Variants in PHACTR3 observed in about 807,000 individuals in gnomAD.
The protein encoded by PHACTR3 is phosphatase and actin regulator 3.
A neutral mutation model predicts 66.8 loss-of-function variants in PHACTR3; 16 were observed. The observed-to-expected ratio is 0.24, with a 90% CI of 0.16 to 0.36. PHACTR3 has a LOEUF of 0.36. Ranked by LOEUF, PHACTR3 falls within the 10% of genes least tolerant of loss-of-function variation. The pLI is 1.00. For missense variants in PHACTR3, 647 were observed against 719.9 expected (o/e 0.90, Z 1.16); for synonymous variants, 323 against 292.1 (o/e 1.11, Z -1.08).
At chr20:59,735,104 G>A (rs2038902874) in intron 1 of PHACTR3, among the ~76,000 whole-genome samples, 3 of 151,986 alleles carry the variant, frequency 2.0e-5, no homozygotes, top group African/African-American at 7.2e-5. Flanking sequence ...TGGTGTTACA[G>A]GTAAGGACTC....
intron 1 of PHACTR3, among the ~76,000 whole-genome samples, chr20:59,693,822 C>T (rs925298391): frequency 4.6e-5 from 7 of 152,130 alleles, no homozygotes; most frequent in Admixed American, 3.9e-4. Context: ...TCATCTTGGT[C>T]CTGTTCACAT....
chr20:59,613,986 A>G (rs771272884), intron 1 of PHACTR3, among the ~76,000 whole-genome samples: 4 of 152,252 alleles, frequency 2.6e-5, no homozygotes, highest in Non-Finnish European at 5.9e-5. Context: ...AGGAGCCATC[A>G]TACTTCCTTT....
intron 1 of PHACTR3, among the ~76,000 whole-genome samples, chr20:59,721,741 C>A (rs944104457): frequency 1.8e-4 from 28 of 152,100 alleles, no homozygotes; most frequent in African/African-American, 6.5e-4. Flanking sequence ...CTGGGGGCTT[C>A]CCATCCTGAG....
intron 8 of PHACTR3, among the ~76,000 whole-genome samples, chr20:59,825,866 G>T (rs1015771688): frequency 6.6e-6 from 1 of 152,172 alleles, no homozygotes; most frequent in Non-Finnish European, 1.5e-5. Flanking sequence ...GCCTTTGGGA[G>T]GTGATTAGGT....
At chr20:59,596,124 C>T (rs2033321352) in intron 1 of PHACTR3, among the ~76,000 whole-genome samples, 1 of 152,130 alleles carries the variant, frequency 6.6e-6, no homozygotes, top group Admixed American at 6.6e-5. Flanking sequence ...GTAGTGTTGT[C>T]TGGTTTTTAT....
In PHACTR3 at chr20:59,822,019, CG is replaced by C. The variant is rs1568856085; in HGVS notation, c.1329-14485del. On this transcript the variant is annotated intron_variant, in intron 8 of 12. Coordinates refer to ENST00000371015, the MANE Select transcript of PHACTR3 (RefSeq NM_080672.5). ...CCCAGCAATCCCACCCCTTCCCCAG[CG>C]ATCCCACCCCTTCCCCAGCGATCCC... Among the ~76,000 whole-genome samples, 14 of 131,700 alleles carry C rather than the reference CG, an allele frequency of 1.1e-4. 3 individuals carry two copies. The East Asian group carries it at 1.7e-3, about 16-fold the overall frequency. The allele number at this position is 131,700 out of a possible 152,430, so 86.4% of individuals were successfully genotyped here. A position where few individuals can be genotyped will look rare whatever the true frequency, so the allele number is the denominator to read the frequency against.
At chr20:59,757,812 T>C (rs944970717) in intron 4 of PHACTR3, among the ~76,000 whole-genome samples, 2 of 152,178 alleles carry the variant, frequency 1.3e-5, no homozygotes, top group Non-Finnish European at 2.9e-5. Context: ...TTTTTGTTTT[T>C]GGTTTTAATT....
Position 59,841,454 on chromosome 20 carries a change from T to C in PHACTR3, c.1506T>C (p.Ser502=). ...LRDRKILIRF[S]DYVEVAKAQD... ...ACAGAAAAATTCTGATACGATTCAG[T>C]GATTACGTGGAAGTAGCAAAAGCGC... The change falls in exon 11 of 13, where the codon AGT becomes AGC. Residue 502 remains serine (S), a synonymous_variant. Transcript: ENST00000371015. 1 of 1,613,644 alleles carries C rather than the reference T, an allele frequency of 6.2e-7. No individual in the cohort carries two copies. The highest frequency in any genetic ancestry group is 1.3e-5 in the African/African-American group (1 of 74,982).
At chr20:59,748,465 C>T (rs79045783) in intron 3 of PHACTR3, among the ~76,000 whole-genome samples, 8,254 of 152,268 alleles carry the variant, frequency 0.054, 343 homozygotes, top group African/African-American at 0.12. Context: ...GTCTAGAGAG[C>T]TTAATCTCAG....
chr20:59,734,045 A>G (rs1403576939), intron 1 of PHACTR3, among the ~76,000 whole-genome samples: 1 of 151,358 alleles, frequency 6.6e-6, no homozygotes, highest in Non-Finnish European at 1.5e-5. Flanking sequence ...CAGGTCCCTC[A>G]ATGACTCCAC....
chr20:59,807,028 G>A (rs1009599405), intron 8 of PHACTR3, among the ~76,000 whole-genome samples: 6 of 152,350 alleles, frequency 3.9e-5, no homozygotes, highest in South Asian at 2.1e-4. Flanking sequence ...GGTGAGTCCC[G>A]AGTGAGCAGT....
At position 59,604,994 on chromosome 20, in the gene PHACTR3, G is replaced by A; in HGVS notation, c.-21G>A. On this transcript the variant is annotated 5_prime_UTR_variant, in exon 1 of 13. Coordinates refer to ENST00000371015, the MANE Select transcript of PHACTR3 (RefSeq NM_080672.5). Reference sequence around the variant, plus strand: ...GATTCCACGCGGCTCGCTCTAACTTGCCCCCGCGCCGGCCGGGCCCATGGC... The same window carrying A: ...GATTCCACGCGGCTCGCTCTAACTTACCCCCGCGCCGGCCGGGCCCATGGC... The A allele has an allele frequency of 7.8e-7, 1 of 1,289,988 alleles. No individual in the cohort carries two copies. 79.9% of individuals were successfully genotyped at this position (1,289,988 alleles called of 1,614,324 possible). A position where few individuals can be genotyped will look rare whatever the true frequency, so the allele number is the denominator to read the frequency against.
chr20:59,807,616 C>A (rs2041609312), intron 8 of PHACTR3, among the ~76,000 whole-genome samples: 1 of 152,180 alleles, frequency 6.6e-6, no homozygotes, highest in Non-Finnish European at 1.5e-5. Context: ...TGCACGGTTA[C>A]ACGCACTAGA....
intron 7 of PHACTR3, among the ~76,000 whole-genome samples, chr20:59,803,780 T>C (rs2041487405): frequency 6.6e-6 from 1 of 152,206 alleles, no homozygotes; most frequent in Non-Finnish European, 1.5e-5. Flanking sequence ...GAACATCCTT[T>C]CATGTACTTT....
intron 1 of PHACTR3, among the ~76,000 whole-genome samples, chr20:59,646,227 G>A (rs2035277673): frequency 1.3e-5 from 2 of 152,216 alleles, no homozygotes; most frequent in Non-Finnish European, 2.9e-5. Context: ...CTGGGTAAAT[G>A]TCCTGCCAGA....
At chr20:59,640,974 A>G (rs1002549491) in intron 1 of PHACTR3, among the ~76,000 whole-genome samples, 3 of 152,138 alleles carry the variant, frequency 2.0e-5, no homozygotes, top group Non-Finnish European at 1.5e-5. Flanking sequence ...CTCTCTATAT[A>G]TATGCACATC....
intron 1 of PHACTR3, among the ~76,000 whole-genome samples, chr20:59,645,838 A>G (rs188585088): frequency 0.01 from 1,566 of 152,224 alleles, 27 homozygotes; most frequent in Non-Finnish European, 0.01. Context: ...CTGGCACATC[A>G]TGAAAGCTTA....
chr20:59,597,555 T>C (rs1412458359), intron 1 of PHACTR3, among the ~76,000 whole-genome samples: 2 of 152,226 alleles, frequency 1.3e-5, no homozygotes, highest in African/African-American at 4.8e-5. Flanking sequence ...ATTGGCTAAA[T>C]GGGAAAATCA....
intron 3 of PHACTR3, 103 bp from the exon 4 acceptor site, chr20:59,755,079 A>T (rs2039736271): frequency 2.4e-6 from 3 of 1,226,918 alleles, no homozygotes; most frequent in Admixed American, 2.2e-5. Flanking sequence ...GTGGGGGACC[A>T]CCCAGAGCCT....
Sources: gnomAD v4.1 joint callset for allele counts (sites outside exome capture counted in the v4.1 genomes callset) on GRCh38, gnomAD v4.1.1 for gene constraint, MANE v1.5 for transcripts, NCBI Gene and HGNC (gene_info 2026-07-23, HGNC 2026-07-21) for gene names.